Variants in CHAF1B observed in about 807,000 individuals in gnomAD.
The protein encoded by CHAF1B is CAF-1 subunit B.
A neutral mutation model predicts 60.7 loss-of-function variants in CHAF1B; 10 were observed. The observed-to-expected ratio is 0.16, with a 90% CI of 0.10 to 0.28. The LOEUF (loss-of-function observed/expected upper bound fraction) is 0.28, where lower values mean the gene tolerates loss of function less well. CHAF1B is among the 10% of genes least tolerant of loss of function. CHAF1B has a pLI of 1.00. For synonymous variants in CHAF1B, 261 were observed against 266.1 expected (o/e 0.98, Z 0.19); for missense variants, 558 against 708.4 (o/e 0.79, Z 2.41).
intron 3 of CHAF1B, among the ~76,000 whole-genome samples, chr21:36,388,622 AC>A (rs1287785851): frequency 1.6e-4 from 24 of 151,146 alleles, no homozygotes; most frequent in Admixed American, 1.6e-3. Flanking sequence ...GCCTGCCACC[AC>A]CCCCGGCTAA....
chr21:36,399,826 G>A (rs550988091), intron 7 of CHAF1B, among the ~76,000 whole-genome samples: 9 of 152,170 alleles, frequency 5.9e-5, no homozygotes, highest in Non-Finnish European at 1.3e-4. Flanking sequence ...CACTGATGGA[G>A]GACAGGACAG....
chr21:36,415,452 T>A, intron 13 of CHAF1B, 63 bp downstream of exon 13: 1 of 1,101,620 alleles, frequency 9.1e-7, no homozygotes, highest in Non-Finnish European at 1.4e-6. Context: ...TTTGTTCTTT[T>A]GGAAATTAAT....
chr21:36,410,563 T>G (rs2086269867), intron 10 of CHAF1B, among the ~76,000 whole-genome samples: 1 of 152,134 alleles, frequency 6.6e-6, no homozygotes, highest in Non-Finnish European at 1.5e-5. Context: ...CTGCCCTTGG[T>G]CCCATCCAGT....
chr21:36,407,803 C>A (rs2086249413), intron 8 of CHAF1B, among the ~76,000 whole-genome samples: 1 of 151,998 alleles, frequency 6.6e-6, no homozygotes, highest in African/African-American at 2.4e-5. Flanking sequence ...CATGGTGAAA[C>A]CCCCTCTCTA....
At chr21:36,412,086 A>G (rs1474314161) in intron 11 of CHAF1B, among the ~76,000 whole-genome samples, 1 of 152,180 alleles carries the variant, frequency 6.6e-6, no homozygotes, top group Non-Finnish European at 1.5e-5. Context: ...AGTTTGCCAC[A>G]ATACTTGCTT....
chr21:36,397,719 CT>C (rs397866716), intron 6 of CHAF1B: 3,315 of 133,814 alleles, frequency 0.025, 6 homozygotes, highest in South Asian at 0.06. Context: ...CTTAGTAAAT[CT>C]TTTTTTTTTT....
Position 36,399,503 on chromosome 21 carries a change from G to A in CHAF1B, c.579-18G>A. Reference sequence around the variant, plus strand: ...TTCATTTACTAGAAGTGGTAAATCAGACATGTTCTTTCTTCAGGGTGCTGC... The same window carrying A: ...TTCATTTACTAGAAGTGGTAAATCAAACATGTTCTTTCTTCAGGGTGCTGC... On this transcript the variant is annotated intron_variant, in intron 6 of 13. Coordinates refer to ENST00000314103, the MANE Select transcript of CHAF1B (RefSeq NM_005441.3). The A allele has an allele frequency of 6.2e-7, 1 of 1,608,382 alleles. No homozygotes were observed. The highest frequency in any genetic ancestry group is 1.3e-5 in the African/African-American group (1 of 74,868).
rs1471540790 is a variant in CHAF1B at position 36,387,219 on chromosome 21, G to GTTTTTTT, written c.127-375_127-374insTTTTTTT. 2.2e-3 allele frequency among the ~76,000 whole-genome samples: 306 copies of GTTTTTTT among 141,288 alleles called. 3 individuals are homozygous for GTTTTTTT. The highest frequency in any genetic ancestry group is 3.2e-3 in the African/African-American group (122 of 37,724). The allele number at this position is 141,288 out of a possible 152,430, so 92.7% of individuals were successfully genotyped here. The stretch of plus-strand genomic sequence containing the variant: ...AGTTTTCTTTCTGAAAATAAGCATA[G>GTTTTTTT]TTTTGTTTTTTTTTTTTTTTTGAGA... On this transcript the variant is annotated intron_variant, in intron 2 of 13. Transcript: ENST00000314103.
At chr21:36,411,693 T>C in intron 11 of CHAF1B, 89 bp downstream of exon 11, 2 of 1,454,078 alleles carry the variant, frequency 1.4e-6, no homozygotes, top group Non-Finnish European at 1.9e-6. Flanking sequence ...ATTTCATTAC[T>C]AAAGATGGCT....
At chr21:36,393,455 T>G (rs2081963733) in intron 4 of CHAF1B, among the ~76,000 whole-genome samples, 1 of 149,512 alleles carries the variant, frequency 6.7e-6, no homozygotes. Context: ...CCTTTTTTTT[T>G]TTTTTTTTTT....
At chr21:36,386,656 G>T (rs544064482) in intron 2 of CHAF1B, among the ~76,000 whole-genome samples, 1 of 151,796 alleles carries the variant, frequency 6.6e-6, no homozygotes, top group East Asian at 1.9e-4. Flanking sequence ...TTGTCATCTA[G>T]CCCAGAATGC....
chr21:36,415,961 C>T, intron 13 of CHAF1B: 1 of 331,368 alleles, frequency 3.0e-6, no homozygotes, highest in Non-Finnish European at 5.8e-6. Context: ...ACCACGTTGG[C>T]CAGGCTGGTC....
At chr21:36,394,307 C>A (rs370155084) in intron 4 of CHAF1B, among the ~76,000 whole-genome samples, 65 of 152,120 alleles carry the variant, frequency 4.3e-4, no homozygotes, top group African/African-American at 1.4e-3. Context: ...GATCTCCCGA[C>A]CTTGTGATCT....
chr21:36,407,575 A>C (rs931882621), intron 8 of CHAF1B, among the ~76,000 whole-genome samples: 7 of 152,342 alleles, frequency 4.6e-5, no homozygotes, highest in Non-Finnish European at 8.8e-5. Context: ...CATGTGATTG[A>C]GTTATAACTG....
At chr21:36,414,361 G>A (rs1242603977) in intron 12 of CHAF1B, among the ~76,000 whole-genome samples, 1 of 152,220 alleles carries the variant, frequency 6.6e-6, no homozygotes, top group East Asian at 1.9e-4. Flanking sequence ...TCTTTGGCAA[G>A]TTCATAATAT....
chr21:36,406,839 A>T (rs1288693964), intron 8 of CHAF1B, among the ~76,000 whole-genome samples: 1 of 152,208 alleles, frequency 6.6e-6, no homozygotes, highest in East Asian at 1.9e-4. Context: ...TTATTGAATG[A>T]GTAGTGCTGG....
At chr21:36,404,559 G>A (rs562367467) in intron 8 of CHAF1B, among the ~76,000 whole-genome samples, 420 of 138,520 alleles carry the variant, frequency 3.0e-3, no homozygotes, top group African/African-American at 9.1e-3. Context: ...CTCAGCCTCC[G>A]GAGTAGCTGG....
chr21:36,415,225 TATC>T, intron 12 of CHAF1B, 67 bp from the exon 13 acceptor site: 1 of 922,956 alleles, frequency 1.1e-6, no homozygotes, highest in Non-Finnish European at 1.7e-6. Flanking sequence ...TGAAGGTTGG[TATC>T]ATACATAAAC....
chr21:36,401,688 C>G (rs919116523), intron 7 of CHAF1B, among the ~76,000 whole-genome samples: 32 of 137,418 alleles, frequency 2.3e-4, no homozygotes, highest in Non-Finnish European at 1.4e-4. Flanking sequence ...ATATCTATTA[C>G]ATATATATAT....
Sources: allele counts gnomAD v4.1 joint callset (sites outside exome capture counted in the v4.1 genomes callset), GRCh38; gene constraint gnomAD v4.1.1; transcripts MANE v1.5; gene names NCBI Gene and HGNC (gene_info 2026-07-23, HGNC 2026-07-21).